The following POFUT1 variants were observed in gnomAD, a reference collection of about 807,000 sequenced individuals.
POFUT1 encodes protein O-fucosyltransferase 1.
A neutral mutation model predicts 42.4 loss-of-function variants in POFUT1; 16 were observed. The observed-to-expected ratio is 0.38, with a 90% CI of 0.26 to 0.57. POFUT1 has a LOEUF of 0.57. POFUT1 is among the 20% of genes least tolerant of loss of function. The pLI, the probability that POFUT1 is intolerant of heterozygous loss-of-function variation, is 0.71. For synonymous variants in POFUT1, 206 were observed against 205.4 expected, an observed-to-expected ratio of 1.00 and a Z score of -0.03; for missense variants, 470 against 504.6, an observed-to-expected ratio of 0.93 and a Z score of 0.66.
intron 4 of POFUT1, among the ~76,000 whole-genome samples, chr20:32,224,130 G>A (rs6058563): frequency 3.3e-5 from 5 of 152,146 alleles, no homozygotes; most frequent in Admixed American, 2.0e-4. Flanking sequence ...GGTGGCTCAC[G>A]CCTGTAATCC....
chr20:32,229,378 C>T (rs1001671485), intron 5 of POFUT1, among the ~76,000 whole-genome samples: 3 of 152,134 alleles, frequency 2.0e-5, no homozygotes, highest in African/African-American at 7.2e-5. Flanking sequence ...AAAAATCTAT[C>T]GCAAGAATGT....
chr20:32,223,008 G>T (rs2047398254), intron 4 of POFUT1: 1 of 985,312 alleles, frequency 1.0e-6, no homozygotes, highest in Admixed American at 6.1e-5. Flanking sequence ...CCTTGTTCAT[G>T]TCCCTGGGTC....
At chr20:32,226,975 C>T (rs2047417671) in intron 4 of POFUT1, among the ~76,000 whole-genome samples, 1 of 152,130 alleles carries the variant, frequency 6.6e-6, no homozygotes. Flanking sequence ...AGTACAATTG[C>T]TGGGTCATGT....
In POFUT1 at chr20:32,235,726, G is replaced by A. The variant is rs1339865768; in HGVS notation, c.*1065G>A. ...GCTTAAGGTGCTCTAAGTCATGAGT[G>A]TTTTGGTCTCAAATGCTGCAGTTTT... On this transcript the variant is annotated 3_prime_UTR_variant, in exon 7 of 7. Transcript: ENST00000375749. 6.6e-6 allele frequency: 1 copy of A among 152,248 alleles called. No homozygotes were observed. Among genetic ancestry groups the A allele is most frequent in the African/African-American group, 2.4e-5 (1 of 41,464 alleles). The allele number at this position is 152,248 out of a possible 1,614,324, so 9.4% of individuals were successfully genotyped here. A position where few individuals can be genotyped will look rare whatever the true frequency, so the allele number is the denominator to read the frequency against.
At chr20:32,221,713 T>TAA (rs200561795) in intron 4 of POFUT1, among the ~76,000 whole-genome samples, 3 of 145,192 alleles carry the variant, frequency 2.1e-5, no homozygotes, top group African/African-American at 7.5e-5. Context: ...GAGACCATCT[T>TAA]AAAAAAAAAA....
chr20:32,225,932 A>G (rs1254995347), intron 4 of POFUT1, among the ~76,000 whole-genome samples: 1 of 152,236 alleles, frequency 6.6e-6, no homozygotes, highest in Non-Finnish European at 1.5e-5. Flanking sequence ...CAACATTGGA[A>G]CAAAGCATTC....
In POFUT1 at chr20:32,225,318, G is replaced by A. The variant is rs577021666; in HGVS notation, c.543-2945G>A. Among the ~76,000 whole-genome samples the A allele has an allele frequency of 4.0e-5, 6 of 151,742 alleles. No individual in the cohort carries two copies. In the South Asian group the frequency reaches 8.3e-4, roughly 21 times the overall value. ...TTCTCCTGCCTCAGCCTCCCAAGTA[G>A]CTGGGATTACAGGTGCCCACCACGA... On this transcript the variant is annotated intron_variant, in intron 4 of 6. Transcript: ENST00000375749.
intron 2 of POFUT1, among the ~76,000 whole-genome samples, chr20:32,213,638 G>T (rs1489283802): frequency 6.6e-6 from 1 of 151,912 alleles, no homozygotes; most frequent in African/African-American, 2.4e-5. Flanking sequence ...CGGCGTGGTG[G>T]TGCGTGCCTG....
At chr20:32,217,653 G>C in intron 4 of POFUT1, 1 of 985,718 alleles carries the variant, frequency 1.0e-6, no homozygotes, top group Non-Finnish European at 1.2e-6. Flanking sequence ...GAGATAGCCA[G>C]CGCTGATGGT....
intron 4 of POFUT1, among the ~76,000 whole-genome samples, chr20:32,220,767 C>T (rs985423305): frequency 2.0e-5 from 3 of 151,356 alleles, no homozygotes; most frequent in Non-Finnish European, 4.4e-5. Context: ...CTTGACTGAG[C>T]TACATATCCA....
intron 2 of POFUT1, among the ~76,000 whole-genome samples, chr20:32,213,380 C>T (rs372395473): frequency 6.7e-6 from 1 of 148,312 alleles, no homozygotes; most frequent in South Asian, 2.2e-4. Flanking sequence ...CGCTTGAACC[C>T]GGGAGGCGAA....
At chr20:32,215,876 A>G (rs1302118490) in intron 3 of POFUT1, among the ~76,000 whole-genome samples, 3 of 152,146 alleles carry the variant, frequency 2.0e-5, no homozygotes, top group African/African-American at 7.2e-5. Context: ...TAATATCCCC[A>G]CTTCATAGAG....
intron 4 of POFUT1, among the ~76,000 whole-genome samples, chr20:32,225,466 C>T (rs946528351): frequency 4.0e-5 from 6 of 151,630 alleles, no homozygotes; most frequent in South Asian, 4.2e-4. Context: ...GGATTACAGG[C>T]GTGAGCCACC....
intron 4 of POFUT1, among the ~76,000 whole-genome samples, chr20:32,224,372 A>T (rs2047404561): frequency 6.6e-6 from 1 of 152,164 alleles, no homozygotes; most frequent in Non-Finnish European, 1.5e-5. Flanking sequence ...AGCCTGGGTG[A>T]CAGAGCAAGA....
chr20:32,222,695 T>C, intron 4 of POFUT1: 2 of 985,428 alleles, frequency 2.0e-6, no homozygotes, highest in Non-Finnish European at 2.4e-6. Flanking sequence ...ATTTCTTCTT[T>C]ACCACGTGAT....
intron 5 of POFUT1, among the ~76,000 whole-genome samples, chr20:32,229,231 C>T (rs2047430097): frequency 6.6e-6 from 1 of 152,170 alleles, no homozygotes; most frequent in Non-Finnish European, 1.5e-5. Flanking sequence ...GCTAGCATAA[C>T]ACTAATACCA....
intron 4 of POFUT1, among the ~76,000 whole-genome samples, chr20:32,225,664 A>AT (rs932060710): frequency 6.6e-6 from 1 of 151,826 alleles, no homozygotes; most frequent in Non-Finnish European, 1.5e-5. Flanking sequence ...ATTTTTTGAT[A>AT]TTTTTGGATA....
intron 1 of POFUT1, among the ~76,000 whole-genome samples, chr20:32,209,276 G>A (rs537529586): frequency 6.6e-6 from 1 of 152,288 alleles, no homozygotes; most frequent in African/African-American, 2.4e-5. Context: ...TCACCAGAAA[G>A]GATTTCACTG....
In POFUT1 at chr20:32,235,668, C is replaced by T. The variant is rs1456085434; in HGVS notation, c.*1007C>T. 6.6e-6 allele frequency: 1 copy of T among 152,254 alleles called. No individual in the cohort carries two copies. Among genetic ancestry groups the T allele is most frequent in the Non-Finnish European group, 1.5e-5 (1 of 68,056 alleles). The allele number at this position is 152,254 out of a possible 1,614,324, so 9.4% of individuals were successfully genotyped here. A position where few individuals can be genotyped will look rare whatever the true frequency, so the allele number is the denominator to read the frequency against. ...AGTGGAGAAGCACCTTTTGACTCTT[C>T]CCTTCCAATGTAATCTCTGCCAACA... is the stretch of plus-strand genomic sequence containing the variant. On this transcript the variant is annotated 3_prime_UTR_variant, in exon 7 of 7. Transcript: ENST00000375749.
Sources: gnomAD v4.1 joint callset for allele counts (sites outside exome capture counted in the v4.1 genomes callset) on GRCh38, gnomAD v4.1.1 for gene constraint, MANE v1.5 for transcripts, NCBI Gene and HGNC (gene_info 2026-07-23, HGNC 2026-07-21) for gene names.